Variants in HERC2 observed in about 807,000 individuals in gnomAD.
HERC2 encodes E3 ubiquitin-protein ligase HERC2.
A neutral mutation model predicts 537.7 loss-of-function variants in HERC2; 102 were observed. The ratio of observed to expected loss-of-function variants is 0.19; its 90% confidence interval spans 0.16 to 0.22. HERC2 has a LOEUF of 0.22. Ranked by LOEUF, HERC2 falls within the 10% of genes least tolerant of loss-of-function variation. The pLI is 1.00. For missense variants in HERC2, 4,236 were observed against 6,198.2 expected, an observed-to-expected ratio of 0.68 and a Z score of 10.63; for synonymous variants, 2,224 against 2,466.2, an observed-to-expected ratio of 0.90 and a Z score of 2.91.
At chr15:28,300,560 C>A (rs2076592514) in intron 2 of HERC2, among the ~76,000 whole-genome samples, 1 of 151,196 alleles carries the variant, frequency 6.6e-6, no homozygotes, top group Non-Finnish European at 1.5e-5. Flanking sequence ...CGGTGGCTCA[C>A]ACCCGTAATC....
rs149809183 is a variant in HERC2 at position 28,176,754 on chromosome 15, G to A, written c.9447C>T (p.Leu3149=). The A allele has an allele frequency of 1.5e-4, 240 of 1,613,822 alleles. 2 individuals carry two copies. In the African/African-American group the frequency reaches 2.6e-3, roughly 17 times the overall value. The stretch of plus-strand genomic sequence containing the variant: ...ATGCAACCTGGATTACTCTGTGACC[G>A]AGAAGGACTTTCACCTACTCAATTA... The part of the protein sequence containing the change: ...QLKPKMVKVL[L]GHRVIQVACG... Residue 3149 remains leucine, a synonymous_variant, in exon 62 of 93, where the codon CTC becomes CTT. Transcript: ENST00000261609. This position sits in a 1 kb window ranked among gnomAD's most constrained non-coding sequence, Gnocchi z 5.0.
intron 36 of HERC2, 133 bp from the exon 37 acceptor site, chr15:28,220,777 G>A (rs1486910981): frequency 7.1e-6 from 5 of 699,490 alleles, no homozygotes; most frequent in Non-Finnish European, 1.2e-5. Flanking sequence ...GCAGACCTCA[G>A]TTAGGAGGGT....
At chr15:28,289,085 A>G (rs1447394910) in intron 4 of HERC2, among the ~76,000 whole-genome samples, 1 of 151,808 alleles carries the variant, frequency 6.6e-6, no homozygotes, top group Non-Finnish European at 1.5e-5. Context: ...GTGACAAGTG[A>G]AAGATGTAAC....
Position 28,177,039 on chromosome 15 carries a change from T to A in HERC2, c.9343A>T (p.Thr3115Ser), listed in dbSNP as rs1324361833. ...CAGGTGTACAGTTCTCCGCTGGATGTGAGGGCTGCGCTGTGCGAGCTCCCA... is the reference window on the plus strand; with the variant it reads ...CAGGTGTACAGTTCTCCGCTGGATGAGAGGGCTGCGCTGTGCGAGCTCCCA... Reference protein sequence around the residue: ...ACGSSHSAALTSSGELYTWGL... With the variant: ...ACGSSHSAALSSSGELYTWGL... The change falls in exon 61 of 93, where the codon ACA (threonine) becomes TCA (serine). Residue 3115 changes from threonine to serine, a missense_variant. Physicochemically the swap from Thr to Ser is moderately conservative, Grantham distance 58 (BLOSUM62 1). Transcript: ENST00000261609. This position sits in a 1 kb window ranked among gnomAD's most constrained non-coding sequence, Gnocchi z 5.0. The A allele has an allele frequency of 6.2e-7, 1 of 1,614,184 alleles. No individual in the cohort carries two copies. Among genetic ancestry groups the A allele is most frequent in the East Asian group, 2.2e-5 (1 of 44,880 alleles).
chr15:28,227,223 T>A (rs1463249519), intron 35 of HERC2, among the ~76,000 whole-genome samples: 1 of 152,014 alleles, frequency 6.6e-6, no homozygotes, highest in African/African-American at 2.4e-5. Flanking sequence ...TGCAGTGAGC[T>A]GAGATCGTGC....
At chr15:28,162,574 A>G (rs1893714653) in intron 69 of HERC2, among the ~76,000 whole-genome samples, 1 of 152,180 alleles carries the variant, frequency 6.6e-6, no homozygotes, top group African/African-American at 2.4e-5. Flanking sequence ...ATCATTTTAA[A>G]AAGATGCACA....
At chr15:28,297,220 G>C (rs562940493) in intron 3 of HERC2, among the ~76,000 whole-genome samples, 1 of 152,242 alleles carries the variant, frequency 6.6e-6, no homozygotes, top group African/African-American at 2.4e-5. Context: ...CAGAATCCTA[G>C]GAAATCGCCA....
At chr15:28,190,856 A>G (rs1477943889) in intron 55 of HERC2, 109 bp downstream of exon 55, 3 of 730,146 alleles carry the variant, frequency 4.1e-6, no homozygotes, top group African/African-American at 3.5e-5. Flanking sequence ...AGAAAGAACC[A>G]ATTATTTAAA....
intron 23 of HERC2, among the ~76,000 whole-genome samples, chr15:28,240,194 A>G (rs377536344): frequency 2.6e-4 from 40 of 152,328 alleles, no homozygotes; most frequent in Middle Eastern, 6.8e-3. Flanking sequence ...CAAGGTGGGC[A>G]GATCACAAGG....
rs142085566 is a variant in HERC2 at position 28,121,367 on chromosome 15, G to A, written c.13251C>T (p.Val4417=). The change falls in exon 86 of 93, where the codon GTC becomes GTT. Residue 4417 remains valine, a synonymous_variant. Coordinates refer to ENST00000261609, the MANE Select transcript of HERC2 (RefSeq NM_004667.6). The part of the protein sequence containing the change: ...TMVRDRQHGP[V]VELNRIQVKR... ...CTACCTGGATGCGGTTCAGCTCCAC[G>A]ACGGGGCCATGCTGACGATCGCGTA... 3.6e-5 allele frequency: 58 copies of A among 1,614,134 alleles called. No individual in the cohort carries two copies. In the East Asian group the frequency reaches 4.7e-4, roughly 13 times the overall value.
intron 2 of HERC2, chr15:28,315,683 C>T: frequency 7.8e-6 from 6 of 770,750 alleles, no homozygotes; most frequent in Non-Finnish European, 1.3e-5. Context: ...TTCTTGGAAA[C>T]CTCTGCGCCA....
intron 57 of HERC2, among the ~76,000 whole-genome samples, chr15:28,182,048 G>A (rs1387170706): frequency 6.6e-6 from 1 of 152,148 alleles, no homozygotes; most frequent in African/African-American, 2.4e-5. Context: ...ACAACAATTT[G>A]CTCATCTGTG....
intron 2 of HERC2, 147 bp from the exon 3 acceptor site, chr15:28,299,663 A>C: frequency 1.7e-6 from 1 of 601,764 alleles, no homozygotes; most frequent in Non-Finnish European, 3.0e-6. Context: ...TAGTGATTTA[A>C]TCATTTTACA....
Position 28,268,379 on chromosome 15 carries a change from C to G in HERC2, c.1598+86G>C. On this transcript the variant is annotated intron_variant, in intron 12 of 92. Transcript: ENST00000261609. The surrounding 1 kb of genome is among the most constrained non-coding windows in gnomAD (Gnocchi z 4.7). ...ACATGTCAGGGCAATTGGAAAACAC[C>G]TGGACACACTTCTGCGCTCCATCCT... 1 of 1,317,952 alleles carries G rather than the reference C, an allele frequency of 7.6e-7. No homozygotes were observed. The highest frequency in any genetic ancestry group is 1.4e-5 in the South Asian group (1 of 72,838). 81.6% of individuals were successfully genotyped at this position (1,317,952 alleles called of 1,614,324 possible). A position where few individuals can be genotyped will look rare whatever the true frequency, so the allele number is the denominator to read the frequency against.
chr15:28,159,502 C>A (rs1436385895), intron 69 of HERC2, among the ~76,000 whole-genome samples: 1 of 152,072 alleles, frequency 6.6e-6, no homozygotes, highest in African/African-American at 2.4e-5. Flanking sequence ...TCACTGATAC[C>A]CCTTCCTCCA....
At chr15:28,247,486 T>C (rs1903830775) in intron 21 of HERC2, among the ~76,000 whole-genome samples, 1 of 139,696 alleles carries the variant, frequency 7.2e-6, no homozygotes, top group Admixed American at 7.9e-5. Context: ...TGGAATGCAA[T>C]GGTCTGATCT....
At chr15:28,156,497 A>G (rs1893024708) in intron 69 of HERC2, among the ~76,000 whole-genome samples, 1 of 151,862 alleles carries the variant, frequency 6.6e-6, no homozygotes, top group Non-Finnish European at 1.5e-5. Context: ...ATTCCTAGGT[A>G]TTTTATTTTC....
rs1215023617 is a variant in HERC2, at chr15:28,220,496, G to A, written c.5801C>T (p.Ala1934Val). 1.2e-6 allele frequency: 2 copies of A among 1,604,476 alleles called. No homozygotes were observed. The highest frequency in any genetic ancestry group is 1.7e-6 in the Non-Finnish European group (2 of 1,179,804). The change falls in exon 37 of 93, where the codon GCT (alanine) becomes GTT (valine). Residue 1934 changes from alanine (A) to valine (V), a missense_variant. Physicochemically the swap from Ala to Val is moderately conservative, Grantham distance 64. Transcript: ENST00000261609. ...YDLKLAELPAAAQPSAEDSDT... is the reference protein window; with the variant it reads ...YDLKLAELPAVAQPSAEDSDT... Reference sequence around the variant, plus strand: ...CGAATCCTCTGCTGAGGGCTGTGCAGCAGCCGGCAGCTCTGCCAGCTTGAG... The same window carrying A: ...CGAATCCTCTGCTGAGGGCTGTGCAACAGCCGGCAGCTCTGCCAGCTTGAG...
At chr15:28,255,225 A>C (rs564019045) in intron 19 of HERC2, among the ~76,000 whole-genome samples, 10 of 152,216 alleles carry the variant, frequency 6.6e-5, no homozygotes, top group South Asian at 4.2e-4. Context: ...GTCCCTGCAA[A>C]ACAGGAGGCT....
Sources: gnomAD v4.1 joint callset for allele counts (sites outside exome capture counted in the v4.1 genomes callset) on GRCh38, gnomAD v4.1.1 for gene constraint, Gnocchi (gnomAD v3.1) non-coding constraint, MANE v1.5 for transcripts, NCBI Gene and HGNC (gene_info 2026-07-23, HGNC 2026-07-21) for gene names.